The following THSD7A variants were observed in gnomAD, a reference collection of about 807,000 sequenced individuals.
THSD7A encodes the protein thrombospondin type-1 domain-containing protein 7A.
THSD7A carries 96 observed loss-of-function variants against 231.3 expected under a neutral mutation model. That is an observed-to-expected ratio of 0.41 (90% confidence interval 0.35 to 0.49). THSD7A has a LOEUF of 0.49. THSD7A is among the 20% of genes least tolerant of loss of function. The probability of loss-of-function intolerance (pLI) is 0.05; values close to 1 mark genes in which losing one functional copy is unlikely to be tolerated. For synonymous variants in THSD7A, 940 were observed against 743.3 expected, an observed-to-expected ratio of 1.26 and a Z score of -4.30; for missense variants, 2,290 against 2,070.2, an observed-to-expected ratio of 1.11 and a Z score of -2.06.
chr7:11,711,453 G>A (rs948903884), intron 1 of THSD7A, among the ~76,000 whole-genome samples: 9 of 150,964 alleles, frequency 6.0e-5, no homozygotes, highest in African/African-American at 1.5e-4. Context: ...ATCTGCTGAC[G>A]AATTAAATTT....
In THSD7A at chr7:11,466,342, A is replaced by T. The variant is rs76577075; in HGVS notation, c.2368+3537T>A. Among the ~76,000 whole-genome samples the T allele has an allele frequency of 8.6e-3, 1,312 of 152,216 alleles. 8 individuals are homozygous for T. Among genetic ancestry groups the T allele is most frequent in the Middle Eastern group, 0.02 (6 of 294 alleles). Reference sequence around the variant, plus strand: ...TCAAAATGATACTTGGGTTATTTCCATTTCTTATGAAATAATGAAAAAAAC... The same window carrying T: ...TCAAAATGATACTTGGGTTATTTCCTTTTCTTATGAAATAATGAAAAAAAC... On this transcript the variant is annotated intron_variant, in intron 9 of 27. Transcript: ENST00000423059.
intron 4 of THSD7A, among the ~76,000 whole-genome samples, chr7:11,566,041 G>A (rs1437303125): frequency 7.4e-6 from 1 of 135,814 alleles, no homozygotes; most frequent in African/African-American, 2.8e-5. Context: ...CTATGACAAG[G>A]CTCCTTAAAA....
At chr7:11,715,335 C>G (rs1781100713) in intron 1 of THSD7A, among the ~76,000 whole-genome samples, 2 of 151,320 alleles carry the variant, frequency 1.3e-5, no homozygotes, top group African/African-American at 4.8e-5. Context: ...AAGGATACTC[C>G]AAAACTTAGT....
chr7:11,604,613 C>T (rs1780675705), intron 2 of THSD7A, among the ~76,000 whole-genome samples: 1 of 151,884 alleles, frequency 6.6e-6, no homozygotes, highest in Admixed American at 6.6e-5. Context: ...TAAATGTTTT[C>T]TCCAAGTCAT....
rs767567061 is a variant in THSD7A, at chr7:11,653,014, AACTT to A, written c.191-16057_191-16054del. Among the ~76,000 whole-genome samples the A allele has an allele frequency of 6.6e-5, 10 of 152,050 alleles. No homozygotes were observed. In the South Asian group the frequency reaches 8.3e-4, roughly 13 times the overall value. The stretch of plus-strand genomic sequence containing the variant: ...CTTAATTTTTTAGTAACATCTTCTC[AACTT>A]ACTTACTATAAGCAAGAGATTTATA... On this transcript the variant is annotated intron_variant, in intron 1 of 27. Transcript: ENST00000423059.
intron 1 of THSD7A, among the ~76,000 whole-genome samples, chr7:11,736,860 G>C (rs1303797615): frequency 6.6e-6 from 1 of 151,998 alleles, no homozygotes; most frequent in Non-Finnish European, 1.5e-5. Context: ...CCTGTCATAG[G>C]AAGGATCTGG....
chr7:11,522,476 C>A (rs192204070), intron 6 of THSD7A, among the ~76,000 whole-genome samples: 8 of 152,248 alleles, frequency 5.3e-5, no homozygotes, highest in African/African-American at 1.7e-4. Context: ...TTTTTAAGTA[C>A]TTTGCTTATT....
chr7:11,376,632 G>A lies in THSD7A; in HGVS notation c.4827C>T (p.Tyr1609=), dbSNP rs527635213. The part of the protein sequence containing the change: ...GPDGRLKTWV[Y]GVAAGAFVLL... ...ACACAAATGCCCCAGCTGCTACACC[G>A]TAAACCCAGGTCTTTAGTCTCCCAT... The change falls in exon 27 of 28, where the codon TAC becomes TAT. Residue 1609 remains tyrosine (Y), a synonymous_variant. Transcript: ENST00000423059. 3.2e-5 allele frequency: 50 copies of A among 1,582,666 alleles called. No individual in the cohort carries two copies. In the Admixed American group the frequency reaches 5.7e-4, roughly 18 times the overall value.
chr7:11,806,874 A>G (rs1280563185), intron 1 of THSD7A, among the ~76,000 whole-genome samples: 2 of 152,096 alleles, frequency 1.3e-5, no homozygotes, highest in Admixed American at 6.6e-5. Context: ...TCCTCATCTT[A>G]GATCTTTAGG....
At chr7:11,776,262 T>C (rs1008599344) in intron 1 of THSD7A, among the ~76,000 whole-genome samples, 2 of 152,176 alleles carry the variant, frequency 1.3e-5, no homozygotes, top group Non-Finnish European at 2.9e-5. Flanking sequence ...GGTGAACAAA[T>C]TTGTAGAAGT....
At chr7:11,644,381 T>G (rs1430950490) in intron 1 of THSD7A, among the ~76,000 whole-genome samples, 1 of 152,028 alleles carries the variant, frequency 6.6e-6, no homozygotes, top group East Asian at 1.9e-4. Context: ...GTATAGATTT[T>G]TGAATATACA....
chr7:11,569,562 G>C (rs900876394), intron 4 of THSD7A, among the ~76,000 whole-genome samples: 1 of 152,152 alleles, frequency 6.6e-6, no homozygotes, highest in Non-Finnish European at 1.5e-5. Flanking sequence ...AAGTGAACAA[G>C]AGTTCCCTGT....
chr7:11,683,776 G>A (rs564782391), intron 1 of THSD7A, among the ~76,000 whole-genome samples: 1 of 151,794 alleles, frequency 6.6e-6, no homozygotes, highest in Non-Finnish European at 1.5e-5. Flanking sequence ...GAATTCATAG[G>A]CAAATTCTAC....
intron 4 of THSD7A, among the ~76,000 whole-genome samples, chr7:11,588,650 A>G (rs1370422446): frequency 2.0e-5 from 3 of 152,144 alleles, no homozygotes; most frequent in Non-Finnish European, 4.4e-5. Context: ...TAAAAAAAAT[A>G]CCCAGTTGCA....
intron 1 of THSD7A, among the ~76,000 whole-genome samples, chr7:11,792,530 CT>C (rs1233811292): frequency 6.6e-6 from 1 of 151,800 alleles, no homozygotes; most frequent in Non-Finnish European, 1.5e-5. Flanking sequence ...ACAGGGCAAT[CT>C]ACGCAAATAC....
At chr7:11,647,656 G>C (rs1044665991) in intron 1 of THSD7A, among the ~76,000 whole-genome samples, 3 of 152,040 alleles carry the variant, frequency 2.0e-5, no homozygotes, top group Admixed American at 6.6e-5. Context: ...CCAGGCATCT[G>C]CAAGTCCTCT....
At chr7:11,649,905 G>A (rs554949393) in intron 1 of THSD7A, among the ~76,000 whole-genome samples, 58 of 152,102 alleles carry the variant, frequency 3.8e-4, no homozygotes, top group Non-Finnish European at 7.2e-4. Flanking sequence ...TAGTGGACCA[G>A]GGTCATGTTC....
At chr7:11,537,496 T>C (rs62432832) in intron 6 of THSD7A, among the ~76,000 whole-genome samples, 1 of 152,072 alleles carries the variant, frequency 6.6e-6, no homozygotes, top group African/African-American at 2.4e-5. Context: ...ATGTGTGGCA[T>C]CTCTCTCTTC....
intron 6 of THSD7A, among the ~76,000 whole-genome samples, chr7:11,513,744 T>G (rs1409181238): frequency 1.3e-5 from 2 of 152,216 alleles, no homozygotes; most frequent in African/African-American, 4.8e-5. Context: ...ATGGATATAC[T>G]AAATGCCACT....
Sources: gnomAD v4.1 joint callset for allele counts (sites outside exome capture counted in the v4.1 genomes callset) on GRCh38, gnomAD v4.1.1 for gene constraint, MANE v1.5 for transcripts, NCBI Gene and HGNC (gene_info 2026-07-23, HGNC 2026-07-21) for gene names.